The following P2RX4 variants were observed in gnomAD, a reference collection of about 807,000 sequenced individuals.
P2RX4 encodes P2X purinoceptor 4.
P2RX4 carries 37 observed loss-of-function variants against 48.0 expected under a neutral mutation model. The ratio of observed to expected loss-of-function variants is 0.77; its 90% CI spans 0.59 to 1.01. The LOEUF (loss-of-function observed/expected upper bound fraction) is 1.01, where lower values mean the gene tolerates loss of function less well. Among genes scored for constraint, P2RX4 ranks in the 50% least tolerant of loss-of-function variants. P2RX4 has a pLI of 0.00. For synonymous variants in P2RX4, 200 were observed against 199.7 expected (o/e 1.00, Z -0.01); for missense variants, 501 against 521.4 (o/e 0.96, Z 0.38).
intron 5 of P2RX4, among the ~76,000 whole-genome samples, chr12:121,225,403 A>T (rs1451728210): frequency 5.4e-5 from 8 of 148,950 alleles, no homozygotes; most frequent in Non-Finnish European, 1.2e-4. Flanking sequence ...TTTATTTTTT[A>T]TTTATTTGTA....
At chr12:121,220,927 G>A (rs1274237903) in intron 2 of P2RX4, among the ~76,000 whole-genome samples, 1 of 152,100 alleles carries the variant, frequency 6.6e-6, no homozygotes, top group African/African-American at 2.4e-5. Flanking sequence ...TCAGCATCAT[G>A]TTTTTGGGGT....
At chr12:121,223,732 C>T (rs916709622) in intron 5 of P2RX4, among the ~76,000 whole-genome samples, 4 of 152,170 alleles carry the variant, frequency 2.6e-5, no homozygotes, top group South Asian at 2.1e-4. Flanking sequence ...GTGTATTGTC[C>T]GGCTGACCAA....
intron 1 of P2RX4, chr12:121,212,822 A>ATTTTT (rs1358375217): frequency 0.019 from 819 of 42,722 alleles, 10 homozygotes; most frequent in Middle Eastern, 0.023. Context: ...ATATATATAT[A>ATTTTT]TATTTTTTTT....
chr12:121,225,978 G>A (rs542727838), intron 5 of P2RX4, among the ~76,000 whole-genome samples: 26 of 152,006 alleles, frequency 1.7e-4, no homozygotes, highest in African/African-American at 6.0e-4. Context: ...CTGGACTCAA[G>A]TGATCTTCCC....
In P2RX4 at chr12:121,232,451, C is replaced by G. The variant is rs750538194; in HGVS notation, c.922C>G (p.Gln308Glu). 9 of 1,614,132 alleles carry G rather than the reference C, an allele frequency of 5.6e-6. No homozygotes were observed. In the South Asian group the frequency reaches 9.9e-5, roughly 18 times the overall value. ...CTACAGAGACCTGGCTGGCAACGAG[C>G]AGCGCACGCTCATCAAGGCCTATGG... ...KYYRDLAGNE[Q>E]RTLIKAYGIR... The change falls in exon 9 of 12, where the codon CAG becomes GAG. Residue 308 changes from glutamine (Q) to glutamate (E), a missense_variant. Gln to Glu is a conservative substitution (Grantham distance 29). Transcript: ENST00000337233. This position sits in a 1 kb window ranked among gnomAD's most constrained non-coding sequence, Gnocchi z 4.3.
intron 2 of P2RX4, among the ~76,000 whole-genome samples, chr12:121,220,182 G>A (rs1039878711): frequency 1.3e-5 from 2 of 152,134 alleles, no homozygotes; most frequent in Non-Finnish European, 2.9e-5. Flanking sequence ...GCCCCATGAG[G>A]CCTCATGTTT....
chr12:121,220,312 T>C (rs1484978865), intron 2 of P2RX4, among the ~76,000 whole-genome samples: 1 of 152,090 alleles, frequency 6.6e-6, no homozygotes, highest in East Asian at 1.9e-4. Flanking sequence ...CCCCCCTTTT[T>C]TTAACTGCAG....
intron 2 of P2RX4, 113 bp from the exon 3 acceptor site, chr12:121,221,800 G>T: frequency 1.2e-6 from 1 of 815,268 alleles, no homozygotes. Context: ...ATGGGAGAGA[G>T]CGGGAGAGCA....
Position 121,233,663 on chromosome 12 carries a change from C to T in P2RX4, c.*114C>T, listed in dbSNP as rs1298650876. On this transcript the variant is annotated 3_prime_UTR_variant, in exon 12 of 12. Coordinates refer to ENST00000337233, the MANE Select transcript of P2RX4 (RefSeq NM_002560.3). Reference sequence around the variant, plus strand: ...AATTTCTGGAATCTGATTGAGTCTCCACTCCACAAGCACTCAGGGTTCCCC... The same window carrying T: ...AATTTCTGGAATCTGATTGAGTCTCTACTCCACAAGCACTCAGGGTTCCCC... 2.6e-6 allele frequency: 4 copies of T among 1,547,882 alleles called. No individual in the cohort carries two copies. The highest frequency in any genetic ancestry group is 2.7e-5 in the African/African-American group (2 of 73,072).
At chr12:121,219,089 A>G (rs1886407879) in intron 2 of P2RX4, among the ~76,000 whole-genome samples, 1 of 152,238 alleles carries the variant, frequency 6.6e-6, no homozygotes, top group African/African-American at 2.4e-5. Context: ...TGTTCCAAGT[A>G]TAACTCAGGA....
At chr12:121,223,345 G>A (rs1886768821) in intron 5 of P2RX4, 1 of 377,956 alleles carries the variant, frequency 2.6e-6, no homozygotes, top group Non-Finnish European at 5.0e-6. Flanking sequence ...CAAAGTGCTA[G>A]GATTACAGGC....
At chr12:121,220,109 C>T (rs1886502084) in intron 2 of P2RX4, among the ~76,000 whole-genome samples, 3 of 152,056 alleles carry the variant, frequency 2.0e-5, no homozygotes, top group Admixed American at 2.0e-4. Flanking sequence ...TGACCCTGAC[C>T]GAGTCTTCTC....
In P2RX4 at chr12:121,210,176, C is replaced by T. The variant is rs1432546837; in HGVS notation, c.12C>T (p.Cys4=). The T allele has an allele frequency of 1.3e-6, 2 of 1,521,160 alleles. No individual in the cohort carries two copies. 94.2% of individuals were successfully genotyped at this position (1,521,160 alleles called of 1,614,324 possible). Residue 4 remains cysteine, a synonymous_variant, in exon 1 of 12, where the codon TGC becomes TGT. Transcript: ENST00000337233. Reference sequence around the variant, plus strand: ...CGGGCGGCGCGGCCATGGCGGGCTGCTGCGCCGCGCTGGCGGCCTTCCTGT... The same window carrying T: ...CGGGCGGCGCGGCCATGGCGGGCTGTTGCGCCGCGCTGGCGGCCTTCCTGT... MAG[C]CAALAAFLFE... is the part of the protein sequence containing the mutation.
chr12:121,224,814 G>A (rs1886877583), intron 5 of P2RX4, among the ~76,000 whole-genome samples: 1 of 151,804 alleles, frequency 6.6e-6, no homozygotes, highest in South Asian at 2.1e-4. Flanking sequence ...CCGGGGAGCA[G>A]GAAGCCACTG....
In P2RX4 at chr12:121,232,377, C is replaced by A. The variant is rs779118129; in HGVS notation, c.885-37C>A. Reference sequence around the variant, plus strand: ...TCTCACAGGGCCCAAGGTCCTGCCCCAGCCATCTCCCCCTGATCCATCCTC... The same window carrying A: ...TCTCACAGGGCCCAAGGTCCTGCCCAAGCCATCTCCCCCTGATCCATCCTC... On this transcript the variant is annotated intron_variant, in intron 8 of 11. Coordinates refer to ENST00000337233, the MANE Select transcript of P2RX4 (RefSeq NM_002560.3). The surrounding 1 kb of genome is among the most constrained non-coding windows in gnomAD (Gnocchi z 4.3). 2.1e-6 allele frequency: 3 copies of A among 1,435,936 alleles called. No homozygotes were observed. The highest frequency in any genetic ancestry group is 2.9e-6 in the Non-Finnish European group (3 of 1,021,176). The allele number at this position is 1,435,936 out of a possible 1,614,324, so 88.9% of individuals were successfully genotyped here.
At chr12:121,228,910 C>T in intron 7 of P2RX4, 44 bp downstream of exon 7, 5 of 1,614,102 alleles carry the variant, frequency 3.1e-6, no homozygotes, top group Non-Finnish European at 4.2e-6. Flanking sequence ...CTGGAGGCGT[C>T]TCGTGCCAGG....
At chr12:121,223,945 G>A (rs950847944) in intron 5 of P2RX4, among the ~76,000 whole-genome samples, 2 of 152,170 alleles carry the variant, frequency 1.3e-5, no homozygotes, top group East Asian at 1.9e-4. Flanking sequence ...GCATCCCGCC[G>A]TGCCAGCTTC....
intron 2 of P2RX4, among the ~76,000 whole-genome samples, chr12:121,221,198 T>TGTG (rs1566003252): frequency 0.011 from 922 of 84,326 alleles, 5 homozygotes; most frequent in African/African-American, 0.045. Context: ...GTGTGTGTGT[T>TGTG]TTTAGTACAA....
rs7961966 is a variant in P2RX4, at chr12:121,233,437, C to T, written c.1141-86C>T. 5.4e-3 allele frequency: 7,740 copies of T among 1,421,956 alleles called. 322 individuals carry two copies. In the African/African-American group the frequency reaches 0.091, roughly 17 times the overall value. The allele number at this position is 1,421,956 out of a possible 1,614,324, so 88.1% of individuals were successfully genotyped here. A position where few individuals can be genotyped will look rare whatever the true frequency, so the allele number is the denominator to read the frequency against. On this transcript the variant is annotated intron_variant, in intron 11 of 11. Coordinates refer to ENST00000337233, the MANE Select transcript of P2RX4 (RefSeq NM_002560.3). ...CTGGGACCAACTTGAGAACCCCTGG[C>T]GGTGAAGTCCCAGGAGCGCACCTCC...
Sources: allele counts gnomAD v4.1 joint callset (sites outside exome capture counted in the v4.1 genomes callset), GRCh38; gene constraint gnomAD v4.1.1; non-coding constraint Gnocchi (gnomAD v3.1); transcripts MANE v1.5; gene names NCBI Gene and HGNC (gene_info 2026-07-23, HGNC 2026-07-21).